Variants in SMYD3 observed in about 807,000 individuals in gnomAD.
SMYD3 encodes SET and MYND domain containing 3.
A neutral mutation model predicts 57.7 loss-of-function variants in SMYD3; 36 were observed. That is an observed-to-expected ratio of 0.62 (90% CI 0.48 to 0.82). The LOEUF (loss-of-function observed/expected upper bound fraction) is 0.82, where lower values mean the gene tolerates loss of function less well. Ranked by LOEUF, SMYD3 falls within the 40% of genes least tolerant of loss-of-function variation. SMYD3 has a pLI of 0.00. For synonymous variants in SMYD3, 211 were observed against 195.0 expected (o/e 1.08, Z -0.68); for missense variants, 515 against 538.8 (o/e 0.96, Z 0.44).
intron 5 of SMYD3, among the ~76,000 whole-genome samples, chr1:246,090,913 C>T (rs549937604): frequency 3.3e-5 from 5 of 152,240 alleles, no homozygotes; most frequent in South Asian, 4.1e-4. Context: ...AGCCCAGGTA[C>T]GTACCCCAGA....
chr1:245,783,640 A>T (rs370955189), intron 10 of SMYD3, among the ~76,000 whole-genome samples: 12 of 152,356 alleles, frequency 7.9e-5, no homozygotes, highest in African/African-American at 2.6e-4. Context: ...CTATGTAGAA[A>T]ATCCCAAGGA....
chr1:245,795,065 T>G (rs2047463128), intron 10 of SMYD3, among the ~76,000 whole-genome samples: 1 of 152,194 alleles, frequency 6.6e-6, no homozygotes, highest in Non-Finnish European at 1.5e-5. Flanking sequence ...GCAGGTTCTC[T>G]CCCATCTGTC....
chr1:246,395,925 C>T (rs1205772964), intron 1 of SMYD3, among the ~76,000 whole-genome samples: 1 of 152,232 alleles, frequency 6.6e-6, no homozygotes, highest in Non-Finnish European at 1.5e-5. Flanking sequence ...CAAGAGCCTG[C>T]AGACGTCAAG....
intron 5 of SMYD3, among the ~76,000 whole-genome samples, chr1:246,127,127 C>T (rs914926688): frequency 1.3e-5 from 2 of 152,006 alleles, no homozygotes; most frequent in Non-Finnish European, 2.9e-5. Flanking sequence ...AGGAAAATAT[C>T]ATTTGCTCAT....
intron 5 of SMYD3, among the ~76,000 whole-genome samples, chr1:246,271,064 T>TGG (rs1422894705): frequency 6.6e-6 from 1 of 152,218 alleles, no homozygotes; most frequent in Non-Finnish European, 1.5e-5. Flanking sequence ...TCCGTCATGA[T>TGG]TAGTGATGCT....
chr1:245,904,767 C>G (rs996555871), intron 8 of SMYD3, among the ~76,000 whole-genome samples: 1 of 151,984 alleles, frequency 6.6e-6, no homozygotes, highest in Non-Finnish European at 1.5e-5. Flanking sequence ...CTGGGACAGC[C>G]GAGAGAGTGC....
chr1:245,841,616 T>C (rs1209426515), intron 10 of SMYD3, among the ~76,000 whole-genome samples: 1 of 152,178 alleles, frequency 6.6e-6, no homozygotes, highest in Non-Finnish European at 1.5e-5. Context: ...TGAAAGAACA[T>C]TAAAAATTCT....
intron 5 of SMYD3, among the ~76,000 whole-genome samples, chr1:246,043,355 G>A (rs2059910285): frequency 6.6e-6 from 1 of 152,170 alleles, no homozygotes; most frequent in Non-Finnish European, 1.5e-5. Flanking sequence ...CATATGTTCT[G>A]AACATAAAAT....
At chr1:245,853,483 A>G (rs797001015) in intron 10 of SMYD3, among the ~76,000 whole-genome samples, 66 of 152,320 alleles carry the variant, frequency 4.3e-4, no homozygotes, top group African/African-American at 1.5e-3. Context: ...GGGGTCAGGA[A>G]GGCAGGCCCA....
intron 5 of SMYD3, among the ~76,000 whole-genome samples, chr1:246,100,193 G>C (rs559324475): frequency 1.3e-5 from 2 of 152,246 alleles, no homozygotes; most frequent in African/African-American, 4.8e-5. Flanking sequence ...CCTGGTGACA[G>C]AGCAAGACTT....
At chr1:246,104,851 T>G (rs1418732536) in intron 5 of SMYD3, among the ~76,000 whole-genome samples, 4 of 152,058 alleles carry the variant, frequency 2.6e-5, no homozygotes, top group Non-Finnish European at 5.9e-5. Flanking sequence ...TGCTCCTATA[T>G]CATTTTTTAA....
chr1:246,089,777 G>A (rs1159216626), intron 5 of SMYD3, among the ~76,000 whole-genome samples: 3 of 151,954 alleles, frequency 2.0e-5, no homozygotes, highest in Non-Finnish European at 2.9e-5. Flanking sequence ...GACCTTTACC[G>A]GCTGTTCCTA....
intron 2 of SMYD3, among the ~76,000 whole-genome samples, chr1:246,337,874 C>A (rs1186006095): frequency 6.6e-6 from 1 of 152,156 alleles, no homozygotes; most frequent in African/African-American, 2.4e-5. Flanking sequence ...AATGAACAAC[C>A]GATCAGTTAG....
In SMYD3 at chr1:245,875,224, G is replaced by A. The variant is rs144874192; in HGVS notation, c.814-11338C>T. Among the ~76,000 whole-genome samples, 9 of 152,318 alleles carry A rather than the reference G, an allele frequency of 5.9e-5. No homozygotes were observed. The East Asian group carries it at 9.6e-4, about 16-fold the overall frequency. On this transcript the variant is annotated intron_variant, in intron 8 of 11. Transcript: ENST00000490107. The stretch of plus-strand genomic sequence containing the variant: ...CCTCCACCTCCATTCTCTTGTAACC[G>A]TCTCATAAACCAAGCATGCATTACT...
intron 5 of SMYD3, among the ~76,000 whole-genome samples, chr1:246,289,995 A>G (rs929102551): frequency 6.6e-6 from 1 of 152,208 alleles, no homozygotes; most frequent in Non-Finnish European, 1.5e-5. Flanking sequence ...GCAAAATCAG[A>G]AAGTACACAG....
intron 1 of SMYD3, among the ~76,000 whole-genome samples, chr1:246,438,443 G>A (rs111987562): frequency 0.017 from 2,613 of 152,176 alleles, 35 homozygotes; most frequent in Non-Finnish European, 0.026. Flanking sequence ...ACTGAAAAAC[G>A]AAGTCAACTC....
chr1:246,493,731 T>C (rs2068310540), intron 1 of SMYD3, among the ~76,000 whole-genome samples: 1 of 149,508 alleles, frequency 6.7e-6, no homozygotes, highest in South Asian at 2.1e-4. Flanking sequence ...TTCCAATAGT[T>C]CCAGCTCAAA....
chr1:246,147,560 G>A (rs1311532449), intron 5 of SMYD3, among the ~76,000 whole-genome samples: 4 of 152,084 alleles, frequency 2.6e-5, no homozygotes, highest in South Asian at 2.1e-4. Context: ...CAGGGGCTCC[G>A]TGGGTGCCAC....
At chr1:246,467,302 A>G (rs1335438069) in intron 1 of SMYD3, among the ~76,000 whole-genome samples, 1 of 152,208 alleles carries the variant, frequency 6.6e-6, no homozygotes, top group Non-Finnish European at 1.5e-5. Flanking sequence ...ATACTTTAGG[A>G]TGCTACCTGT....
Sources: gnomAD v4.1 joint callset for allele counts (sites outside exome capture counted in the v4.1 genomes callset) on GRCh38, gnomAD v4.1.1 for gene constraint, MANE v1.5 for transcripts, NCBI Gene and HGNC (gene_info 2026-07-23, HGNC 2026-07-21) for gene names.